The following VWA2 variants were observed in gnomAD, a reference collection of about 807,000 sequenced individuals.
VWA2 encodes the protein von Willebrand factor A domain-containing protein 2.
VWA2 carries 73 observed loss-of-function variants against 70.4 expected under a neutral mutation model. The observed-to-expected ratio is 1.04, with a 90% CI of 0.86 to 1.26. The LOEUF (loss-of-function observed/expected upper bound fraction) is 1.26, where lower values mean the gene tolerates loss of function less well. Ranked by LOEUF, VWA2 falls within the 50% of genes most tolerant of loss-of-function variation. The pLI is 0.00. For missense variants in VWA2, 1,011 were observed against 998.5 expected (o/e 1.01, Z -0.17); for synonymous variants, 407 against 423.3 (o/e 0.96, Z 0.47).
intron 5 of VWA2, among the ~76,000 whole-genome samples, chr10:114,265,967 C>T (rs1226979036): frequency 6.6e-6 from 1 of 152,128 alleles, no homozygotes. Context: ...CCCCGGAGCA[C>T]TTTGTTCTTT....
At position 114,289,433 on chromosome 10, in the gene VWA2, C is replaced by T; in HGVS notation, c.2066C>T (p.Ala689Val). 6.2e-7 allele frequency: 1 copy of T among 1,614,162 alleles called. No individual in the cohort carries two copies. Reference protein sequence around the residue: ...AGPRDSLIHVAAYADLRYHQD... With the variant: ...AGPRDSLIHVVAYADLRYHQD... ...CCCCGGGATTCCCTGATCCACGTGG[C>T]AGCTTACGCCGACCTGCGGTACCAC... The change falls in exon 12 of 14, where the codon GCA (alanine) becomes GTA (valine). Residue 689 changes from alanine to valine, a missense_variant. Coordinates refer to ENST00000392982, the MANE Select transcript of VWA2 (RefSeq NM_001272046.2).
At chr10:114,243,489 G>A (rs140422728) in intron 1 of VWA2, among the ~76,000 whole-genome samples, 344 of 152,252 alleles carry the variant, frequency 2.3e-3, no homozygotes, top group African/African-American at 7.7e-3. Flanking sequence ...CTTCCCCACC[G>A]GATATTTTTA....
intron 1 of VWA2, among the ~76,000 whole-genome samples, chr10:114,242,607 CGTGCCTCTGTGTACCAG>C (rs998727509): frequency 2.0e-5 from 3 of 152,064 alleles, no homozygotes; most frequent in African/African-American, 7.2e-5. Flanking sequence ...CTGTGTACCA[CGTGCCTCTGTGTACCAG>C]TGCATCTGTG....
Position 114,286,243 on chromosome 10 carries a change from C to T in VWA2, c.1302C>T (p.Phe434=), listed in dbSNP as rs746302150. 31 of 1,612,856 alleles carry T rather than the reference C, an allele frequency of 1.9e-5. No individual in the cohort carries two copies. The highest frequency in any genetic ancestry group is 4.5e-5 in the East Asian group (2 of 44,880). The change falls in exon 11 of 14, where the codon TTC becomes TTT. Residue 434 remains phenylalanine (F), a synonymous_variant. Coordinates refer to ENST00000392982, the MANE Select transcript of VWA2 (RefSeq NM_001272046.2). The stretch of plus-strand genomic sequence containing the variant: ...TGCGGCAGGCGGCAGAGCGTGGCTT[C>T]GGGAGCGCCACCAGGACAGGCCAGG... ...SALRQAAERG[F]GSATRTGQDR...
intron 8 of VWA2, among the ~76,000 whole-genome samples, chr10:114,280,175 TG>T: frequency 6.6e-6 from 1 of 152,306 alleles, no homozygotes; most frequent in South Asian, 2.1e-4. Context: ...GTGTTAATAT[TG>T]CAGGCTCCTA....
chr10:114,292,602 C>T lies in VWA2; in HGVS notation c.*1365C>T, dbSNP rs1275024678. Among the ~76,000 whole-genome samples the T allele has an allele frequency of 2.7e-5, 4 of 150,410 alleles. No homozygotes were observed. Among genetic ancestry groups the T allele is most frequent in the African/African-American group, 7.3e-5 (3 of 40,848 alleles). Reference sequence around the variant, plus strand: ...GCAAACTAGATACTTACTTCCCTATCGCTGCAGTATTTAGGAATTACTTCT... The same window carrying T: ...GCAAACTAGATACTTACTTCCCTATTGCTGCAGTATTTAGGAATTACTTCT... On this transcript the variant is annotated 3_prime_UTR_variant, in exon 14 of 14. Coordinates refer to ENST00000392982, the MANE Select transcript of VWA2 (RefSeq NM_001272046.2).
intron 1 of VWA2, chr10:114,246,854 C>A: frequency 1.4e-6 from 1 of 714,332 alleles, no homozygotes; most frequent in Non-Finnish European, 2.5e-6. Flanking sequence ...TACTGAGCAC[C>A]TGGCAATGCC....
intron 2 of VWA2, among the ~76,000 whole-genome samples, chr10:114,252,295 C>A (rs1417930003): frequency 6.6e-6 from 1 of 152,160 alleles, no homozygotes; most frequent in Non-Finnish European, 1.5e-5. Context: ...CAGCTTTTGG[C>A]TGTGGAGCTG....
chr10:114,288,819 T>C, intron 11 of VWA2, 119 bp from the exon 12 acceptor site: 1 of 974,022 alleles, frequency 1.0e-6, no homozygotes, highest in Non-Finnish European at 1.5e-6. Context: ...GGGTGTATTC[T>C]GCAGTGAACA....
At chr10:114,252,331 T>G (rs1012770351) in intron 2 of VWA2, among the ~76,000 whole-genome samples, 1 of 152,104 alleles carries the variant, frequency 6.6e-6, no homozygotes, top group African/African-American at 2.4e-5. Flanking sequence ...ACTTAGAATC[T>G]CCATGAGTAG....
chr10:114,273,322 T>C (rs1157156374), intron 6 of VWA2, among the ~76,000 whole-genome samples: 2 of 152,196 alleles, frequency 1.3e-5, no homozygotes, highest in African/African-American at 4.8e-5. Context: ...TTGCCTCCTC[T>C]CGTACCCTGA....
Position 114,272,163 on chromosome 10 carries a change from C to T in VWA2, c.372-577C>T, listed in dbSNP as rs186530882. Among the ~76,000 whole-genome samples the T allele has an allele frequency of 3.3e-4, 51 of 152,320 alleles. 1 individual carries two copies. The highest frequency in any genetic ancestry group is 2.6e-3 in the Admixed American group (40 of 15,294). ...AGCAAATAGAGGACCATTGGCATCC[C>T]GATGAGATGGGACCCCTGTAACCTG... On this transcript the variant is annotated intron_variant, in intron 5 of 13. Transcript: ENST00000392982.
intron 8 of VWA2, chr10:114,281,799 G>A: frequency 1.0e-6 from 1 of 964,152 alleles, no homozygotes; most frequent in Non-Finnish European, 1.2e-6. Context: ...GAAAAGTGAA[G>A]ATAGAATTAC....
chr10:114,266,353 G>T (rs1263510246), intron 5 of VWA2, among the ~76,000 whole-genome samples: 2 of 152,068 alleles, frequency 1.3e-5, no homozygotes, highest in Non-Finnish European at 2.9e-5. Context: ...TATGTATGGG[G>T]TATGTGAGAT....
At position 114,294,320 on chromosome 10, in the gene VWA2, C is replaced by T. The variant is rs1367668627; in HGVS notation, c.*3083C>T. On this transcript the variant is annotated 3_prime_UTR_variant, in exon 14 of 14. Transcript: ENST00000392982. ...AATACATATTTCTCAAACTTTTACA[C>T]TGATATATTCATAGTATTTTTTTAT... 6.6e-6 allele frequency among the ~76,000 whole-genome samples: 1 copy of T among 152,288 alleles called. No homozygotes were observed. Among genetic ancestry groups the T allele is most frequent in the East Asian group, 1.9e-4 (1 of 5,194 alleles).
chr10:114,246,426 G>A (rs530466674), intron 1 of VWA2: 22 of 603,920 alleles, frequency 3.6e-5, no homozygotes, highest in Non-Finnish European at 4.9e-5. Flanking sequence ...GCTTGAACCC[G>A]GGAGGCAGAG....
rs1248648020 is a variant in VWA2 at position 114,278,866 on chromosome 10, T to TCTGGGCTCGGC, written c.833+21_833+31dup. The TCTGGGCTCGGC allele has an allele frequency of 1.2e-6, 2 of 1,612,094 alleles. No homozygotes were observed. The highest frequency in any genetic ancestry group is 2.2e-5 in the South Asian group (2 of 90,994). ...CCCTTCTACAGGTTTGTCTGCGCGG[T>TCTGGGCTCGGC]CTGGGCTCGGCCTGGGTGGAGATGA... On this transcript the variant is annotated intron_variant, in intron 8 of 13. Transcript: ENST00000392982.
chr10:114,288,792 TA>T, intron 11 of VWA2, 145 bp from the exon 12 acceptor site: 1 of 774,578 alleles, frequency 1.3e-6, no homozygotes. Flanking sequence ...GTTCTGTGGC[TA>T]AAAGGAAGAC....
At chr10:114,284,765 T>C in intron 9 of VWA2, 98 bp from the exon 10 acceptor site, 1 of 1,195,930 alleles carries the variant, frequency 8.4e-7, no homozygotes, top group Non-Finnish European at 1.2e-6. Flanking sequence ...GCTGGGCCAC[T>C]GCTAGAGCAG....
Sources: gnomAD v4.1 joint callset for allele counts (sites outside exome capture counted in the v4.1 genomes callset) on GRCh38, gnomAD v4.1.1 for gene constraint, MANE v1.5 for transcripts, NCBI Gene and HGNC (gene_info 2026-07-23, HGNC 2026-07-21) for gene names.